The following AFF3 variants were observed in gnomAD, a reference collection of about 807,000 sequenced individuals.
The protein encoded by AFF3 is ALF transcription elongation factor 3, also known as AF4/FMR2 family member 3.
AFF3 carries 32 observed loss-of-function variants against 129.7 expected under a neutral mutation model. That is an observed-to-expected ratio of 0.25 (90% CI 0.19 to 0.33). The LOEUF is 0.33. Among genes scored for constraint, AFF3 ranks in the 10% least tolerant of loss-of-function variants. The pLI is 1.00. For synonymous variants in AFF3, 644 were observed against 635.4 expected (o/e 1.01, Z -0.20); for missense variants, 1,373 against 1,592.0 (o/e 0.86, Z 2.34).
chr2:99,904,428 A>C (rs1157132633), intron 7 of AFF3, among the ~76,000 whole-genome samples: 1 of 151,748 alleles, frequency 6.6e-6, no homozygotes, highest in African/African-American at 2.4e-5. Context: ...AAAAAGTCCT[A>C]TCCAAAAATA....
At chr2:99,588,773 C>T (rs1032993879) in intron 15 of AFF3, among the ~76,000 whole-genome samples, 3 of 152,138 alleles carry the variant, frequency 2.0e-5, no homozygotes, top group Non-Finnish European at 4.4e-5. Flanking sequence ...TCCAGCAGGG[C>T]GAGACTCCAC....
intron 7 of AFF3, among the ~76,000 whole-genome samples, chr2:99,990,807 C>A (rs540640293): frequency 2.6e-5 from 4 of 152,146 alleles, no homozygotes; most frequent in African/African-American, 9.6e-5. Context: ...GGTATGGATA[C>A]GGAAAAAGAA....
At chr2:99,655,385 G>A (rs76166790) in intron 12 of AFF3, among the ~76,000 whole-genome samples, 1 of 152,128 alleles carries the variant, frequency 6.6e-6, no homozygotes, top group Admixed American at 6.5e-5. Context: ...AAATAACAAA[G>A]CTGAGGCTTA....
intron 2 of AFF3, chr2:100,106,109 T>C: frequency 7.9e-7 from 1 of 1,270,820 alleles, no homozygotes; most frequent in South Asian, 1.3e-5. Flanking sequence ...GAGACTTCTT[T>C]CCTATTTGAG....
chr2:100,123,166 C>A (rs1692047642), intron 2 of AFF3, among the ~76,000 whole-genome samples: 1 of 152,168 alleles, frequency 6.6e-6, no homozygotes, highest in South Asian at 2.1e-4. Context: ...AAAATGTCTA[C>A]CATTTGGCTT....
chr2:99,688,607 G>A (rs1018277699), intron 11 of AFF3, among the ~76,000 whole-genome samples: 3 of 152,034 alleles, frequency 2.0e-5, no homozygotes, highest in Non-Finnish European at 4.4e-5. Context: ...TGATTCTCGA[G>A]GCGCTCTTTC....
chr2:99,644,113 C>T (rs1434781515), intron 13 of AFF3, among the ~76,000 whole-genome samples: 3 of 152,204 alleles, frequency 2.0e-5, no homozygotes, highest in African/African-American at 7.2e-5. Context: ...ATGAATAAAT[C>T]AATGGCAGTT....
At chr2:99,800,160 G>C (rs1220987220) in intron 8 of AFF3, among the ~76,000 whole-genome samples, 3 of 152,154 alleles carry the variant, frequency 2.0e-5, no homozygotes, top group Admixed American at 6.5e-5. Context: ...ACTTAGAGAA[G>C]ATATTTGCAA....
intron 10 of AFF3, among the ~76,000 whole-genome samples, chr2:99,739,643 C>G (rs1324975700): frequency 6.6e-6 from 1 of 151,650 alleles, no homozygotes; most frequent in Non-Finnish European, 1.5e-5. Flanking sequence ...TATTGAAAGT[C>G]ATTTTCTGTT....
At chr2:99,797,750 G>A (rs763513999) in intron 8 of AFF3, among the ~76,000 whole-genome samples, 7 of 151,898 alleles carry the variant, frequency 4.6e-5, no homozygotes, top group Non-Finnish European at 7.4e-5. Context: ...AGAAGACAGT[G>A]GAACAACATC....
chr2:99,552,972 G>A (rs1674542346), intron 24 of AFF3, among the ~76,000 whole-genome samples: 1 of 151,964 alleles, frequency 6.6e-6, no homozygotes, highest in Admixed American at 6.6e-5. Context: ...TCGCTCTGTC[G>A]CCCAGGCTGG....
intron 7 of AFF3, among the ~76,000 whole-genome samples, chr2:99,845,424 T>C (rs550416730): frequency 1.3e-5 from 2 of 152,318 alleles, no homozygotes; most frequent in East Asian, 1.9e-4. Context: ...CAAGAACCTA[T>C]TGATGGCATG....
chr2:99,989,860 C>A (rs1160328189), intron 7 of AFF3, among the ~76,000 whole-genome samples: 2 of 152,136 alleles, frequency 1.3e-5, no homozygotes, highest in Non-Finnish European at 2.9e-5. Flanking sequence ...AAAGTAAGAT[C>A]ATTATCAGGT....
At chr2:100,081,075 A>C (rs1331369685) in intron 4 of AFF3, among the ~76,000 whole-genome samples, 1 of 152,010 alleles carries the variant, frequency 6.6e-6, no homozygotes, top group Non-Finnish European at 1.5e-5. Context: ...AAGGTAAGCC[A>C]AGCCCACAGT....
chr2:100,088,650 CAAG>C (rs1480979634), intron 4 of AFF3, among the ~76,000 whole-genome samples: 139 of 150,298 alleles, frequency 9.2e-4, no homozygotes, highest in African/African-American at 3.3e-3. Context: ...TGAAGCAATA[CAAG>C]ATCTTCTCCT....
At chr2:99,904,979 A>C (rs1260733653) in intron 7 of AFF3, among the ~76,000 whole-genome samples, 3 of 151,598 alleles carry the variant, frequency 2.0e-5, no homozygotes, top group Non-Finnish European at 4.4e-5. Context: ...CCTTTCCTCC[A>C]ATCTCCCCAC....
intron 7 of AFF3, among the ~76,000 whole-genome samples, chr2:99,931,327 G>A (rs892266135): frequency 2.0e-5 from 3 of 152,164 alleles, no homozygotes; most frequent in Admixed American, 2.0e-4. Flanking sequence ...GAATTAGGCT[G>A]GTGCAAAAGT....
In AFF3 at chr2:99,742,358, A is replaced by T. The variant is rs72817075; in HGVS notation, c.1039+1746T>A. On this transcript the variant is annotated intron_variant, in intron 10 of 24. Coordinates refer to ENST00000672756, the MANE Select transcript of AFF3 (RefSeq NM_001386135.1). The stretch of plus-strand genomic sequence containing the variant: ...GACCTTGTCTCAAGAAAATGAAATT[A>T]AAAAAAAAATCCCCTTACTCCTAGA... Among the ~76,000 whole-genome samples the T allele has an allele frequency of 7.6e-3, 1,141 of 149,394 alleles. 5 individuals carry two copies. Among genetic ancestry groups the T allele is most frequent in the Middle Eastern group, 0.017 (5 of 290 alleles).
intron 13 of AFF3, among the ~76,000 whole-genome samples, chr2:99,629,924 G>C (rs981971948): frequency 6.6e-6 from 1 of 152,088 alleles, no homozygotes; most frequent in Admixed American, 6.5e-5. Context: ...TATCACATTG[G>C]GGATTAGGGC....
Sources: allele counts gnomAD v4.1 joint callset (sites outside exome capture counted in the v4.1 genomes callset), GRCh38; gene constraint gnomAD v4.1.1; transcripts MANE v1.5; gene names NCBI Gene and HGNC (gene_info 2026-07-23, HGNC 2026-07-21).